FAM120A: variants seen among roughly 807,000 people sequenced by gnomAD.
FAM120A encodes constitutive coactivator of PPAR-gamma-like protein 1.
In FAM120A, 15 loss-of-function variants were observed where a neutral mutation model predicts 109.7. The observed-to-expected ratio is 0.14, with a 90% CI of 0.09 to 0.21. The LOEUF (loss-of-function observed/expected upper bound fraction) is 0.21, where lower values mean the gene tolerates loss of function less well. FAM120A is among the 10% of genes least tolerant of loss of function. The pLI is 1.00. For missense variants in FAM120A, 899 were observed against 1,439.3 expected, an observed-to-expected ratio of 0.62 and a Z score of 6.07; for synonymous variants, 493 against 572.8, an observed-to-expected ratio of 0.86 and a Z score of 1.99.
intron 12 of FAM120A, among the ~76,000 whole-genome samples, chr9:93,556,038 T>G (rs1357464176): frequency 3.9e-5 from 6 of 152,224 alleles, no homozygotes; most frequent in Non-Finnish European, 5.9e-5. Context: ...GAAGAGATTG[T>G]GGAGCCCTGG....
chr9:93,540,351 A>G (rs1416317593), intron 10 of FAM120A, among the ~76,000 whole-genome samples: 1 of 152,110 alleles, frequency 6.6e-6, no homozygotes, highest in East Asian at 1.9e-4. Flanking sequence ...AGTCACATCT[A>G]TTTTCTTTGA....
rs11296612 is a variant in FAM120A at position 93,479,090 on chromosome 9, A to AT, written c.804+2778dup. 8.2e-3 allele frequency among the ~76,000 whole-genome samples: 670 copies of AT among 81,624 alleles called. 73 individuals carry two copies. The highest frequency in any genetic ancestry group is 0.028 in the African/African-American group (522 of 18,874). The allele number at this position is 81,624 out of a possible 152,430, so 53.5% of individuals were successfully genotyped here. A position where few individuals can be genotyped will look rare whatever the true frequency, so the allele number is the denominator to read the frequency against. ...GAGAGGTTTAAGATTAGGGTATTGC[A>AT]TTTTTTTTTTTTTTTTTTTTTTTTT... On this transcript the variant is annotated intron_variant, in intron 3 of 17. Coordinates refer to ENST00000277165, the MANE Select transcript of FAM120A (RefSeq NM_014612.5).
chr9:93,484,972 C>T (rs993972810), intron 3 of FAM120A, among the ~76,000 whole-genome samples: 3 of 152,226 alleles, frequency 2.0e-5, no homozygotes, highest in Admixed American at 2.0e-4. Context: ...TTCTAGCTTA[C>T]TTCCTACTCT....
At position 93,547,088 on chromosome 9, in the gene FAM120A, G is replaced by GA. The variant is rs532074105; in HGVS notation, c.2160-3488dup. ...AATCTCTAGAATCCCTGATAGCAGA[G>GA]ACGGGGGATGGAGTCTGAGCAGAGG... On this transcript the variant is annotated intron_variant, in intron 11 of 17. Transcript: ENST00000277165. 2.7e-4 allele frequency among the ~76,000 whole-genome samples: 41 copies of GA among 152,326 alleles called. 1 individual carries two copies. The East Asian group carries it at 7.9e-3, about 29-fold the overall frequency.
intron 10 of FAM120A, among the ~76,000 whole-genome samples, chr9:93,535,485 A>G (rs1861481596): frequency 6.6e-6 from 1 of 152,232 alleles, no homozygotes; most frequent in Non-Finnish European, 1.5e-5. Context: ...AGAAAAATGC[A>G]TTGTTAATGT....
At chr9:93,526,832 C>T (rs910924995) in intron 7 of FAM120A, among the ~76,000 whole-genome samples, 5 of 152,198 alleles carry the variant, frequency 3.3e-5, no homozygotes, top group South Asian at 2.1e-4. Flanking sequence ...CTTGCTGTGA[C>T]GATGGAAAGA....
intron 11 of FAM120A, 70 bp downstream of exon 11, chr9:93,543,541 A>C: frequency 1.3e-6 from 2 of 1,547,708 alleles, no homozygotes; most frequent in South Asian, 1.2e-5. Context: ...ATGGTGTCAG[A>C]TGAGTTCTAG....
chr9:93,468,112 T>C (rs948707093), intron 1 of FAM120A, among the ~76,000 whole-genome samples: 1 of 152,088 alleles, frequency 6.6e-6, no homozygotes. Flanking sequence ...TCACACTCCT[T>C]GACCTCAGGT....
chr9:93,529,622 G>C, intron 9 of FAM120A, 42 bp downstream of exon 9: 1 of 1,551,036 alleles, frequency 6.4e-7, no homozygotes, highest in Non-Finnish European at 8.9e-7. Context: ...GTTATTTGAT[G>C]AGTGGCCATT....
At chr9:93,460,692 G>A (rs1014952806) in intron 1 of FAM120A, among the ~76,000 whole-genome samples, 6 of 152,176 alleles carry the variant, frequency 3.9e-5, no homozygotes, top group African/African-American at 7.2e-5. Flanking sequence ...GACCTTGCCT[G>A]TTATCCAGCT....
chr9:93,497,698 A>G, intron 4 of FAM120A, 99 bp downstream of exon 4: 1 of 1,396,762 alleles, frequency 7.2e-7, no homozygotes, highest in South Asian at 1.5e-5. Context: ...TGAGGGTGCA[A>G]GCTGACTGGA....
At chr9:93,493,606 G>A (rs904375182) in intron 3 of FAM120A, among the ~76,000 whole-genome samples, 4 of 152,220 alleles carry the variant, frequency 2.6e-5, no homozygotes, top group Non-Finnish European at 5.9e-5. Context: ...GCTCTAAAGG[G>A]AGCAGCAGCG....
chr9:93,558,554 C>CCT (rs781051988), intron 14 of FAM120A, 27 bp from the exon 15 acceptor site: 2 of 1,612,610 alleles, frequency 1.2e-6, no homozygotes, highest in African/African-American at 2.7e-5. Context: ...ACACTTCTCC[C>CCT]CTCTCTCTCT....
chr9:93,502,035 A>T (rs1439206955), intron 5 of FAM120A, among the ~76,000 whole-genome samples: 1 of 152,150 alleles, frequency 6.6e-6, no homozygotes, highest in Non-Finnish European at 1.5e-5. Context: ...TTTCCACAGA[A>T]ATATTTTTAT....
intron 5 of FAM120A, among the ~76,000 whole-genome samples, chr9:93,508,077 A>G (rs1302045100): frequency 1.3e-5 from 2 of 152,122 alleles, no homozygotes; most frequent in African/African-American, 4.8e-5. Context: ...GGGGAGCTTG[A>G]TCTCTCATAG....
chr9:93,475,534 A>G (rs975964002), intron 2 of FAM120A, among the ~76,000 whole-genome samples: 11 of 152,246 alleles, frequency 7.2e-5, no homozygotes, highest in South Asian at 6.2e-4. Flanking sequence ...TGAGATTTCA[A>G]TGAGATAGCT....
intron 5 of FAM120A, among the ~76,000 whole-genome samples, chr9:93,510,294 C>A (rs1860253052): frequency 6.6e-6 from 1 of 152,192 alleles, no homozygotes; most frequent in Admixed American, 6.5e-5. Flanking sequence ...TTTGGAAGGT[C>A]ATTTTTATTT....
intron 1 of FAM120A, among the ~76,000 whole-genome samples, chr9:93,456,508 C>T (rs940196038): frequency 6.6e-6 from 1 of 152,218 alleles, no homozygotes; most frequent in African/African-American, 2.4e-5. Context: ...ATGATGGTCT[C>T]CCTTCATGTA....
At chr9:93,558,389 C>T (rs971153923) in intron 14 of FAM120A, among the ~76,000 whole-genome samples, 192 bp from the exon 15 acceptor site, 1 of 151,736 alleles carries the variant, frequency 6.6e-6, no homozygotes, top group African/African-American at 2.4e-5. Context: ...GAATGACCCA[C>T]TGCAGGGAGG....
Sources: gnomAD v4.1 joint callset for allele counts (sites outside exome capture counted in the v4.1 genomes callset) on GRCh38, gnomAD v4.1.1 for gene constraint, MANE v1.5 for transcripts, NCBI Gene and HGNC (gene_info 2026-07-23, HGNC 2026-07-21) for gene names.